GOLGA5: variants seen among roughly 807,000 people sequenced by gnomAD.
The protein encoded by GOLGA5 is golgin subfamily A member 5.
In GOLGA5, 50 loss-of-function variants were observed where a neutral mutation model predicts 93.5. The ratio of observed to expected loss-of-function variants is 0.53; its 90% CI spans 0.43 to 0.68. The LOEUF is 0.68. GOLGA5 is among the 30% of genes least tolerant of loss of function. The probability of loss-of-function intolerance (pLI) is 0.00; values close to 1 mark genes in which losing one functional copy is unlikely to be tolerated. For missense variants in GOLGA5, 760 were observed against 856.4 expected (o/e 0.89, Z 1.40); for synonymous variants, 312 against 304.5 (o/e 1.02, Z -0.26).
At chr14:92,820,885 A>C (rs1360235495) in intron 8 of GOLGA5, among the ~76,000 whole-genome samples, 1 of 152,224 alleles carries the variant, frequency 6.6e-6, no homozygotes, top group Admixed American at 6.5e-5. Context: ...AGGGCAAAGC[A>C]ATTGTTCAGG....
Position 92,794,337 on chromosome 14 carries a change from A to C in GOLGA5, c.-150A>C, listed in dbSNP as rs1404261284. On this transcript the variant is annotated 5_prime_UTR_variant, in exon 1 of 13. Transcript: ENST00000163416. Reference sequence around the variant, plus strand: ...TTCCACGTCTCCCGGAAGCGGTAGCAGGGCCCCGGCGGGTCGGGGAGGAGG... The same window carrying C: ...TTCCACGTCTCCCGGAAGCGGTAGCCGGGCCCCGGCGGGTCGGGGAGGAGG... The C allele has an allele frequency of 2.0e-5, 3 of 152,350 alleles. No homozygotes were observed. The highest frequency in any genetic ancestry group is 7.2e-5 in the African/African-American group (3 of 41,462). 9.4% of individuals were successfully genotyped at this position (152,350 alleles called of 1,614,324 possible).
rs1370723889 is a variant in GOLGA5 at position 92,799,910 on chromosome 14, G to A, written c.544+1929G>A. On this transcript the variant is annotated intron_variant, in intron 2 of 12. Coordinates refer to ENST00000163416, the MANE Select transcript of GOLGA5 (RefSeq NM_005113.4). The stretch of plus-strand genomic sequence containing the variant: ...GCGTGAGCCACCACACCTGGCCAGG[G>A]ATTCTTTATAGAGTTGATTATTGAT... Among the ~76,000 whole-genome samples the A allele has an allele frequency of 2.6e-5, 4 of 152,228 alleles. No individual in the cohort carries two copies. In the East Asian group the frequency reaches 7.7e-4, roughly 29 times the overall value.
intron 4 of GOLGA5, 52 bp downstream of exon 4, chr14:92,809,571 G>A: frequency 9.2e-7 from 1 of 1,082,666 alleles, no homozygotes; most frequent in Non-Finnish European, 1.4e-6. Context: ...GGTAAACATT[G>A]TAGTGTATCC....
chr14:92,800,247 AGT>A (rs1251817566), intron 2 of GOLGA5, among the ~76,000 whole-genome samples: 1 of 152,196 alleles, frequency 6.6e-6, no homozygotes, highest in African/African-American at 2.4e-5. Context: ...GTATGGTCAG[AGT>A]GTTGTGGAAG....
Position 92,839,621 on chromosome 14 carries a change from A to G in GOLGA5, c.*175A>G, listed in dbSNP as rs946768612. 12 of 595,298 alleles carry G rather than the reference A, an allele frequency of 2.0e-5. No homozygotes were observed. Among genetic ancestry groups the G allele is most frequent in the African/African-American group, 1.9e-4 (10 of 53,748 alleles). 36.9% of individuals were successfully genotyped at this position (595,298 alleles called of 1,614,324 possible). ...ACCTAAATCTTCCAATTTCCTTTAA[A>G]TGGTAAGAGTTTCTAAAACAGACAA... On this transcript the variant is annotated 3_prime_UTR_variant, in exon 13 of 13. Transcript: ENST00000163416.
At chr14:92,797,328 C>A in intron 1 of GOLGA5, 80 bp from the exon 2 acceptor site, 1 of 790,460 alleles carries the variant, frequency 1.3e-6, no homozygotes, top group Non-Finnish European at 2.0e-6. Flanking sequence ...CCCAGGATTG[C>A]CTGACTCCAG....
intron 7 of GOLGA5, among the ~76,000 whole-genome samples, chr14:92,817,672 G>C (rs1885238008): frequency 6.6e-6 from 1 of 152,076 alleles, no homozygotes; most frequent in South Asian, 2.1e-4. Flanking sequence ...TGTAGAGAAT[G>C]TTCATCCATG....
intron 9 of GOLGA5, among the ~76,000 whole-genome samples, chr14:92,827,151 C>T (rs181383747): frequency 6.6e-6 from 1 of 152,130 alleles, no homozygotes; most frequent in African/African-American, 2.4e-5. Flanking sequence ...CTTGAATAGA[C>T]CCTTCCAAAA....
At chr14:92,802,880 T>C (rs1398954449) in intron 2 of GOLGA5, among the ~76,000 whole-genome samples, 1 of 151,906 alleles carries the variant, frequency 6.6e-6, no homozygotes, top group Non-Finnish European at 1.5e-5. Context: ...TCCTCCCACT[T>C]CCTCCTCCCA....
chr14:92,839,234 C>G lies in GOLGA5; in HGVS notation c.2116-132C>G, dbSNP rs886915112. Reference sequence around the variant, plus strand: ...TTGCACTGAGCTCATTTAGTTGTTTCATTCATTCCTTCATGTGTCCCATAG... The same window carrying G: ...TTGCACTGAGCTCATTTAGTTGTTTGATTCATTCCTTCATGTGTCCCATAG... On this transcript the variant is annotated intron_variant, in intron 12 of 12. Transcript: ENST00000163416. The G allele has an allele frequency of 2.2e-4, 135 of 618,818 alleles. 1 individual carries two copies. In the East Asian group the frequency reaches 3.6e-3, roughly 17 times the overall value. The allele number at this position is 618,818 out of a possible 1,614,324, so 38.3% of individuals were successfully genotyped here. A position where few individuals can be genotyped will look rare whatever the true frequency, so the allele number is the denominator to read the frequency against.
In GOLGA5 at chr14:92,833,324, T is replaced by C. The variant is rs750391519; in HGVS notation, c.1922T>C (p.Met641Thr). The C allele has an allele frequency of 6.2e-7, 1 of 1,605,294 alleles. No homozygotes were observed. Among genetic ancestry groups the C allele is most frequent in the Non-Finnish European group, 8.5e-7 (1 of 1,171,946 alleles). Residue 641 changes from methionine to threonine, a missense_variant, in exon 10 of 13, where the codon ATG becomes ACG. Transcript: ENST00000163416. ...AGTAGTAATGGGTCTTCGATTAATA[T>C]GTCTGGAATTGACAATGGTGAAGGT... The part of the protein sequence containing the change: ...GSSSNGSSIN[M>T]SGIDNGEGTR...
At chr14:92,820,520 G>A (rs552940369) in intron 8 of GOLGA5, among the ~76,000 whole-genome samples, 26 of 152,314 alleles carry the variant, frequency 1.7e-4, no homozygotes, top group Admixed American at 1.2e-3. Flanking sequence ...AACTGCAAGA[G>A]GCCTTCCTCT....
intron 10 of GOLGA5, among the ~76,000 whole-genome samples, chr14:92,833,906 G>A (rs1281845469): frequency 1.3e-5 from 2 of 151,444 alleles, no homozygotes; most frequent in East Asian, 3.9e-4. Flanking sequence ...AAAAAAAATT[G>A]TTTAAGAGAC....
intron 3 of GOLGA5, 23 bp downstream of exon 3, chr14:92,806,986 A>G (rs948673491): frequency 1.4e-6 from 2 of 1,434,402 alleles, no homozygotes; most frequent in East Asian, 2.3e-5. Flanking sequence ...ATTGTTCAGG[A>G]TTAGGAATTT....
rs183339423 is a variant in GOLGA5 at position 92,810,322 on chromosome 14, T to C, written c.1061T>C (p.Leu354Pro). The change falls in exon 5 of 13, where the codon CTG (leucine) becomes CCG (proline). Residue 354 changes from leucine (L) to proline (P), a missense_variant. Coordinates refer to ENST00000163416, the MANE Select transcript of GOLGA5 (RefSeq NM_005113.4). ...NQALQTFQERLHEADATLKRE... is the reference protein window; with the variant it reads ...NQALQTFQERPHEADATLKRE... ...GCTCTGCAGACTTTTCAGGAGAGAC[T>C]GCATGAAGCGGATGCCACTCTGAAG... The C allele has an allele frequency of 1.2e-4, 195 of 1,607,910 alleles. No individual in the cohort carries two copies. The East Asian group carries it at 2.9e-3, about 24-fold the overall frequency.
At chr14:92,814,240 G>T (rs2140322445) in intron 6 of GOLGA5, among the ~76,000 whole-genome samples, 1 of 152,204 alleles carries the variant, frequency 6.6e-6, no homozygotes, top group Non-Finnish European at 1.5e-5. Context: ...TACAAATTGG[G>T]CAAAAGGATA....
At chr14:92,817,069 T>C (rs915782383) in intron 7 of GOLGA5, among the ~76,000 whole-genome samples, 7 of 152,068 alleles carry the variant, frequency 4.6e-5, no homozygotes, top group Admixed American at 1.3e-4. Context: ...GCCTCTTGAG[T>C]AGCTGGGATT....
chr14:92,819,556 C>T, intron 7 of GOLGA5, 152 bp from the exon 8 acceptor site: 1 of 678,682 alleles, frequency 1.5e-6, no homozygotes, highest in South Asian at 1.7e-5. Flanking sequence ...CCCCTTGAGC[C>T]CAGGAGTTTG....
rs549716366 is a variant in GOLGA5, at chr14:92,823,063, C to T, written c.1621-1483C>T. On this transcript the variant is annotated intron_variant, in intron 8 of 12. Transcript: ENST00000163416. Reference sequence around the variant, plus strand: ...TGTGAAATTATAAAGAAATTTGCCTCTGTAGTTTTCTTCTAGTACTTTTTT... The same window carrying T: ...TGTGAAATTATAAAGAAATTTGCCTTTGTAGTTTTCTTCTAGTACTTTTTT... Among the ~76,000 whole-genome samples the T allele has an allele frequency of 2.6e-5, 4 of 152,268 alleles. No individual in the cohort carries two copies. The East Asian group carries it at 7.7e-4, about 29-fold the overall frequency.
Sources: allele counts gnomAD v4.1 joint callset (sites outside exome capture counted in the v4.1 genomes callset), GRCh38; gene constraint gnomAD v4.1.1; transcripts MANE v1.5; gene names NCBI Gene and HGNC (gene_info 2026-07-23, HGNC 2026-07-21).